LRRC37A3: variants seen among roughly 807,000 people sequenced by gnomAD.
LRRC37A3 encodes the protein leucine rich repeat containing 37 member A3.
Under a neutral mutation model 106.2 loss-of-function variants are expected in LRRC37A3, and 25 were observed. That is an observed-to-expected ratio of 0.24 (90% CI 0.17 to 0.33). LRRC37A3 has a LOEUF of 0.33. Ranked by LOEUF, LRRC37A3 falls within the 10% of genes least tolerant of loss-of-function variation. The pLI is 1.00. For synonymous variants in LRRC37A3, 305 were observed against 635.8 expected (o/e 0.48, Z 7.83); for missense variants, 712 against 1,644.9 (o/e 0.43, Z 9.81).
chr17:64,866,478 TGG>T, intron 10 of LRRC37A3, among the ~76,000 whole-genome samples: 1 of 148,392 alleles, frequency 6.7e-6, no homozygotes, highest in South Asian at 2.2e-4. Context: ...TGGGGGCTGG[TGG>T]CACAATTGAA....
At chr17:64,876,094 T>C (rs1449639056) in intron 8 of LRRC37A3, among the ~76,000 whole-genome samples, 4 of 152,176 alleles carry the variant, frequency 2.6e-5, no homozygotes, top group Non-Finnish European at 5.9e-5. Flanking sequence ...GGTCTCAAAC[T>C]CCTGGCCTCA....
At chr17:64,916,240 C>T (rs1047521690) in intron 2 of LRRC37A3, among the ~76,000 whole-genome samples, 5 of 151,698 alleles carry the variant, frequency 3.3e-5, no homozygotes, top group Non-Finnish European at 5.9e-5. Context: ...CCCGTCTCTA[C>T]TAAAAATACA....
At position 64,856,945 on chromosome 17, in the gene LRRC37A3, T is replaced by C. The variant is rs138477779; in HGVS notation, c.4810-1056A>G. ...TGTTACAGTGAGCTAGATCACACCA[T>C]TGCTCTCCAGCCTGGGTGACAACAA... is the stretch of plus-strand genomic sequence containing the variant. On this transcript the variant is annotated intron_variant, in intron 13 of 14. Transcript: ENST00000584306. Among the ~76,000 whole-genome samples, 444 of 151,404 alleles carry C rather than the reference T, an allele frequency of 2.9e-3. 18 individuals are homozygous for C. The East Asian group carries it at 0.078, about 26-fold the overall frequency.
At chr17:64,870,873 C>T (rs532823279) in intron 8 of LRRC37A3, among the ~76,000 whole-genome samples, 36 of 151,470 alleles carry the variant, frequency 2.4e-4, no homozygotes, top group Non-Finnish European at 4.3e-4. Flanking sequence ...CCTTCACTCC[C>T]CTCCCCTCCC....
intron 2 of LRRC37A3, among the ~76,000 whole-genome samples, chr17:64,914,489 G>A (rs1273295392): frequency 1.3e-5 from 2 of 151,260 alleles, no homozygotes. Context: ...AACCTGGGAG[G>A]TGGAGGCTTC....
At chr17:64,866,615 T>C (rs1210858616) in intron 10 of LRRC37A3, among the ~76,000 whole-genome samples, 2 of 24,010 alleles carry the variant, frequency 8.3e-5, no homozygotes, top group African/African-American at 2.1e-4. Context: ...TATATATATA[T>C]ATATATATAT....
intron 10 of LRRC37A3, among the ~76,000 whole-genome samples, chr17:64,867,402 G>A (rs1042700091): frequency 4.6e-5 from 7 of 151,608 alleles, no homozygotes; most frequent in African/African-American, 7.3e-5. Flanking sequence ...CCACACAACC[G>A]GAATACTACT....
At chr17:64,908,040 GA>G (rs1461690625) in intron 2 of LRRC37A3, among the ~76,000 whole-genome samples, 3 of 92,896 alleles carry the variant, frequency 3.2e-5, no homozygotes, top group African/African-American at 1.3e-4. Flanking sequence ...AACCAGGATT[GA>G]AGAGGGTGTT....
At chr17:64,869,385 C>T (rs1165829959) in intron 8 of LRRC37A3, among the ~76,000 whole-genome samples, 3 of 149,930 alleles carry the variant, frequency 2.0e-5, no homozygotes, top group Admixed American at 6.6e-5. Context: ...GGAAGAACTA[C>T]AAGGAAAAAA....
chr17:64,856,171 A>G (rs1206398322), intron 13 of LRRC37A3, among the ~76,000 whole-genome samples: 1 of 151,960 alleles, frequency 6.6e-6, no homozygotes, highest in Non-Finnish European at 1.5e-5. Context: ...GCTTATAACC[A>G]ACACGCATCC....
At chr17:64,875,914 T>A (rs1303595892) in intron 8 of LRRC37A3, among the ~76,000 whole-genome samples, 1 of 151,478 alleles carries the variant, frequency 6.6e-6, no homozygotes, top group East Asian at 1.9e-4. Flanking sequence ...GGGGTGAGAG[T>A]GGAGCTTTAG....
rs534112945 is a variant in LRRC37A3 at position 64,860,211 on chromosome 17, G to A, written c.3935C>T (p.Ser1312Phe). 9.7e-5 allele frequency: 156 copies of A among 1,613,964 alleles called. 1 individual carries two copies. The South Asian group carries it at 1.6e-3, about 16-fold the overall frequency. ...CTTGGGTGTTCTGTGGGTCATGCGG[G>A]AGCGAGTTTTGTGAAAGCGGTATTT... ...RKKYRFHKTR[S>F]RMTHRTPKVK... Residue 1312 changes from serine (S) to phenylalanine (F), a missense_variant, in exon 12 of 15, where the codon TCC (serine) becomes TTC (phenylalanine). Ser to Phe is a radical substitution (Grantham distance 155). Coordinates refer to ENST00000584306, the MANE Select transcript of LRRC37A3 (RefSeq NM_199340.5).
chr17:64,910,637 CTTTTTTTTT>C (rs926231139), intron 2 of LRRC37A3, among the ~76,000 whole-genome samples: 2 of 96,478 alleles, frequency 2.1e-5, no homozygotes, highest in African/African-American at 8.8e-5. Flanking sequence ...ATTGTCCCCC[CTTTTTTTTT>C]TTTTTTTTTT....
At chr17:64,864,515 G>C (rs557297115) in intron 10 of LRRC37A3, among the ~76,000 whole-genome samples, 1 of 152,198 alleles carries the variant, frequency 6.6e-6, no homozygotes, top group East Asian at 1.9e-4. Context: ...CGAGACAACT[G>C]ATTAATTTAT....
intron 8 of LRRC37A3, among the ~76,000 whole-genome samples, chr17:64,871,026 C>T (rs1177089657): frequency 1.3e-5 from 2 of 151,294 alleles, no homozygotes; most frequent in African/African-American, 2.4e-5. Flanking sequence ...CGCACCACCA[C>T]GCCTGGCTAT....
chr17:64,908,861 G>C (rs183079644), intron 2 of LRRC37A3, among the ~76,000 whole-genome samples: 3 of 142,844 alleles, frequency 2.1e-5, no homozygotes, highest in Non-Finnish European at 1.5e-5. Flanking sequence ...TCAGGATTTA[G>C]AGACCAGCCT....
At position 64,910,774 on chromosome 17, in the gene LRRC37A3, T is replaced by C. The variant is rs1347215559; in HGVS notation, c.-496+7976A>G. 3.4e-5 allele frequency among the ~76,000 whole-genome samples: 5 copies of C among 147,998 alleles called. No individual in the cohort carries two copies. In the East Asian group the frequency reaches 1.0e-3, roughly 30 times the overall value. ...ACTCGCCTGCCTCACTTCAAGTAGC[T>C]GGGATTACAGGAGCCCACCACCACA... On this transcript the variant is annotated intron_variant, in intron 2 of 14. Coordinates refer to ENST00000584306, the MANE Select transcript of LRRC37A3 (RefSeq NM_199340.5).
At chr17:64,918,479 A>G (rs1215165001) in intron 2 of LRRC37A3, among the ~76,000 whole-genome samples, 1 of 152,238 alleles carries the variant, frequency 6.6e-6, no homozygotes, top group Admixed American at 6.5e-5. Flanking sequence ...AGATGTGTAC[A>G]TGATTCATGT....
rs201012072 is a variant in LRRC37A3 at position 64,860,234 on chromosome 17, T to C, written c.3912A>G (p.Lys1304=). ...TSKPIVHSRK[K]YRFHKTRSRM... is the part of the protein sequence containing the mutation. ...GGGAGCGAGTTTTGTGAAAGCGGTA[T>C]TTTTTTCTGGAATGTACGATGGGTT... is the stretch of plus-strand genomic sequence containing the variant. The change falls in exon 12 of 15, where the codon AAA becomes AAG. Residue 1304 remains lysine (K), a synonymous_variant. Transcript: ENST00000584306. 1 of 1,613,952 alleles carries C rather than the reference T, an allele frequency of 6.2e-7. No homozygotes were observed.
Sources: gnomAD v4.1 joint callset for allele counts (sites outside exome capture counted in the v4.1 genomes callset) on GRCh38, gnomAD v4.1.1 for gene constraint, MANE v1.5 for transcripts, NCBI Gene and HGNC (gene_info 2026-07-23, HGNC 2026-07-21) for gene names.